ROR2: variants seen among roughly 807,000 people sequenced by gnomAD.
ROR2 encodes the protein tyrosine-protein kinase transmembrane receptor ROR2.
A neutral mutation model predicts 74.9 loss-of-function variants in ROR2; 33 were observed. That is an observed-to-expected ratio of 0.44 (90% CI 0.33 to 0.59). The LOEUF (loss-of-function observed/expected upper bound fraction) is 0.59, where lower values mean the gene tolerates loss of function less well. Among genes scored for constraint, ROR2 ranks in the 20% least tolerant of loss-of-function variants. The pLI is 0.02. For missense variants in ROR2, 1,216 were observed against 1,313.8 expected (o/e 0.93, Z 1.15); for synonymous variants, 586 against 558.7 (o/e 1.05, Z -0.69).
intron 1 of ROR2, among the ~76,000 whole-genome samples, chr9:91,924,092 C>G (rs1347623407): frequency 1.3e-5 from 2 of 152,232 alleles, no homozygotes; most frequent in African/African-American, 4.8e-5. Flanking sequence ...CCTGCTCTCC[C>G]CAAGCTGCTG....
chr9:91,785,467 CCA>C (rs1185581506), intron 1 of ROR2, among the ~76,000 whole-genome samples: 3 of 152,220 alleles, frequency 2.0e-5, no homozygotes, highest in African/African-American at 7.2e-5. Flanking sequence ...GAATGAAACT[CCA>C]GAGTCTAGGT....
chr9:91,816,969 AG>A (rs774658697), intron 1 of ROR2, among the ~76,000 whole-genome samples: 3 of 152,208 alleles, frequency 2.0e-5, no homozygotes, highest in Non-Finnish European at 4.4e-5. Context: ...GCATTTGAAG[AG>A]GTGTCTTTAA....
intron 1 of ROR2, among the ~76,000 whole-genome samples, chr9:91,909,835 TAGGTTTG>T (rs1830909016): frequency 5.4e-5 from 6 of 110,442 alleles, no homozygotes; most frequent in African/African-American, 2.2e-4. Flanking sequence ...TTTTTTTTTT[TAGGTTTG>T]TTTTGTTTTT....
chr9:91,724,034 G>T lies in ROR2; in HGVS notation c.2460C>A (p.Pro820=), dbSNP rs780298605. 1 of 1,612,230 alleles carries T rather than the reference G, an allele frequency of 6.2e-7. No homozygotes were observed. The highest frequency in any genetic ancestry group is 8.5e-7 in the Non-Finnish European group (1 of 1,179,872). Residue 820 remains proline, a synonymous_variant, in exon 9 of 9, where the codon CCC becomes CCA. Coordinates refer to ENST00000375708, the MANE Select transcript of ROR2 (RefSeq NM_004560.4). ...PMVPPPQLYV[P]VNGYQPVPAY... Reference sequence around the variant, plus strand: ...CCGGCACCGGCTGGTAGCCGTTGACGGGGACGTAGAGCTGCGGCGGGGGCA... The same window carrying T: ...CCGGCACCGGCTGGTAGCCGTTGACTGGGACGTAGAGCTGCGGCGGGGGCA...
At chr9:91,837,830 A>C (rs1490672764) in intron 1 of ROR2, among the ~76,000 whole-genome samples, 1 of 152,232 alleles carries the variant, frequency 6.6e-6, no homozygotes, top group Non-Finnish European at 1.5e-5. Flanking sequence ...TTTAATTTTA[A>C]GCTATAAGGT....
At chr9:91,831,276 A>C (rs867183381) in intron 1 of ROR2, among the ~76,000 whole-genome samples, 1 of 151,970 alleles carries the variant, frequency 6.6e-6, no homozygotes, top group Non-Finnish European at 1.5e-5. Context: ...AAAACAAAAA[A>C]AAAAAATTGT....
At chr9:91,766,416 TGCACATTCATATAA>T (rs1003373687) in intron 2 of ROR2, among the ~76,000 whole-genome samples, 1 of 152,206 alleles carries the variant, frequency 6.6e-6, no homozygotes. Context: ...CCACCTCCCT[TGCACATTCATATAA>T]GCATTTGCAT....
chr9:91,745,832 A>G (rs3935053), intron 4 of ROR2, among the ~76,000 whole-genome samples: 117,878 of 152,026 alleles, frequency 0.78, 45,796 homozygotes, highest in African/African-American at 0.84. Flanking sequence ...TTCAGTTTCT[A>G]GCTTTTATTC....
chr9:91,726,877 G>A, intron 7 of ROR2, 134 bp from the exon 8 acceptor site: 2 of 809,742 alleles, frequency 2.5e-6, no homozygotes, highest in South Asian at 1.4e-5. Context: ...ACACAATGGG[G>A]TAAAAGGGCA....
At chr9:91,858,278 T>G (rs1441943637) in intron 1 of ROR2, among the ~76,000 whole-genome samples, 1 of 152,188 alleles carries the variant, frequency 6.6e-6, no homozygotes, top group Non-Finnish European at 1.5e-5. Flanking sequence ...CAGGCACACC[T>G]GCACACACGC....
At chr9:91,852,767 G>C (rs1156991220) in intron 1 of ROR2, among the ~76,000 whole-genome samples, 1 of 152,170 alleles carries the variant, frequency 6.6e-6, no homozygotes, top group Non-Finnish European at 1.5e-5. Flanking sequence ...GGAAAGAAGA[G>C]GACAAGGATG....
At chr9:91,853,709 G>A (rs1007383238) in intron 1 of ROR2, among the ~76,000 whole-genome samples, 3 of 152,164 alleles carry the variant, frequency 2.0e-5, no homozygotes, top group African/African-American at 7.2e-5. Context: ...ATCCCACTCT[G>A]AGAATCTACA....
At chr9:91,874,504 C>T (rs1829900844) in intron 1 of ROR2, among the ~76,000 whole-genome samples, 1 of 152,126 alleles carries the variant, frequency 6.6e-6, no homozygotes, top group Non-Finnish European at 1.5e-5. Context: ...AATCCGTGTT[C>T]GAAAGAAGCC....
At position 91,725,059 on chromosome 9, in the gene ROR2, G is replaced by A. The variant is rs370520398; in HGVS notation, c.1435C>T (p.Leu479=). Residue 479 remains leucine, a synonymous_variant, in exon 9 of 9, where the codon CTG becomes TTG. Transcript: ENST00000375708. The part of the protein sequence containing the change: ...SLSAVRFMEE[L]GEDRFGKVYK... ...ACTTTCCCAAACCGGTCCTCTCCCA[G>A]CTCCTCCATGAACCTCACCGCAGAC... 6.2e-7 allele frequency: 1 copy of A among 1,613,920 alleles called. No individual in the cohort carries two copies. The highest frequency in any genetic ancestry group is 8.5e-7 in the Non-Finnish European group (1 of 1,180,050).
At chr9:91,833,079 G>GGACA (rs1448713580) in intron 1 of ROR2, among the ~76,000 whole-genome samples, 1 of 152,174 alleles carries the variant, frequency 6.6e-6, no homozygotes, top group Non-Finnish European at 1.5e-5. Flanking sequence ...CCCCAAAGAG[G>GGACA]GACAGGGAAG....
intron 1 of ROR2, chr9:91,948,754 T>A (rs1832080100): frequency 2.0e-6 from 2 of 985,284 alleles, no homozygotes; most frequent in Admixed American, 6.1e-5. Flanking sequence ...TGAAGCCCAT[T>A]TACTAGTAAG....
chr9:91,883,955 T>C lies in ROR2; in HGVS notation c.97+65912A>G, dbSNP rs537799498. 2.0e-5 allele frequency among the ~76,000 whole-genome samples: 3 copies of C among 152,188 alleles called. No homozygotes were observed. In the South Asian group the frequency reaches 6.2e-4, roughly 32 times the overall value. The stretch of plus-strand genomic sequence containing the variant: ...AAAATCTCAGGGGATTTCACACCAA[T>C]GCAGTGCCATGTTATGGCCATTGAG... On this transcript the variant is annotated intron_variant, in intron 1 of 8. Transcript: ENST00000375708.
chr9:91,839,116 A>G (rs1442374218), intron 1 of ROR2, among the ~76,000 whole-genome samples: 3 of 152,228 alleles, frequency 2.0e-5, no homozygotes, highest in Non-Finnish European at 2.9e-5. Context: ...GTGGGATGAC[A>G]GCAGCTTAGG....
intron 1 of ROR2, among the ~76,000 whole-genome samples, chr9:91,853,662 C>A (rs1829183597): frequency 6.6e-6 from 1 of 152,152 alleles, no homozygotes; most frequent in Admixed American, 6.5e-5. Flanking sequence ...TGGGTACTGG[C>A]TGCTAATTCA....
Sources: allele counts gnomAD v4.1 joint callset (sites outside exome capture counted in the v4.1 genomes callset), GRCh38; gene constraint gnomAD v4.1.1; transcripts MANE v1.5; gene names NCBI Gene and HGNC (gene_info 2026-07-23, HGNC 2026-07-21).